The following LRMDA variants were observed in gnomAD, a reference collection of about 807,000 sequenced individuals.
LRMDA encodes the protein leucine rich melanocyte differentiation associated, also known as leucine-rich melanocyte differentiation-associated protein.
Under a neutral mutation model 29.8 loss-of-function variants are expected in LRMDA, and 18 were observed. That is an observed-to-expected ratio of 0.60 (90% CI 0.42 to 0.90). The LOEUF is 0.90. Among genes scored for constraint, LRMDA ranks in the 40% least tolerant of loss-of-function variants. The pLI is 0.00. For missense variants in LRMDA, 273 were observed against 273.9 expected, an observed-to-expected ratio of 1.00 and a Z score of 0.02; for synonymous variants, 125 against 109.4, an observed-to-expected ratio of 1.14 and a Z score of -0.89.
chr10:76,042,814 GTTTC>G (rs557974398), intron 3 of LRMDA, among the ~76,000 whole-genome samples: 8 of 152,054 alleles, frequency 5.3e-5, no homozygotes, highest in Non-Finnish European at 1.0e-4. Context: ...GTTTAGAAAT[GTTTC>G]TTTCAGTTTC....
intron 2 of LRMDA, among the ~76,000 whole-genome samples, chr10:75,917,560 G>A (rs780385058): frequency 4.6e-5 from 7 of 152,302 alleles, no homozygotes; most frequent in East Asian, 1.9e-4. Context: ...GGCTAAATCC[G>A]GAATCGGGAG....
intron 6 of LRMDA, among the ~76,000 whole-genome samples, chr10:76,503,294 A>C (rs1206294301): frequency 4.6e-5 from 7 of 151,594 alleles, no homozygotes; most frequent in African/African-American, 1.7e-4. Context: ...ACCAAGATCA[A>C]GTAGAATTTA....
chr10:76,157,676 G>C (rs1850563369), intron 5 of LRMDA, among the ~76,000 whole-genome samples: 1 of 151,768 alleles, frequency 6.6e-6, no homozygotes, highest in African/African-American at 2.4e-5. Context: ...TGGACAGCCT[G>C]AGCCTCCAAT....
chr10:76,509,361 C>T (rs781266848), intron 6 of LRMDA, among the ~76,000 whole-genome samples: 9 of 152,054 alleles, frequency 5.9e-5, no homozygotes, highest in Non-Finnish European at 1.3e-4. Context: ...GGAGAACAGG[C>T]GTGACTCTAC....
intron 5 of LRMDA, among the ~76,000 whole-genome samples, chr10:76,112,547 G>C (rs1849598177): frequency 6.6e-6 from 1 of 152,234 alleles, no homozygotes. Flanking sequence ...CCCCAAGCCC[G>C]TCAGGGGGAA....
rs112983389 is a variant in LRMDA, at chr10:75,658,045, A to G, written c.131+219551A>G. 8.3e-3 allele frequency among the ~76,000 whole-genome samples: 1,268 copies of G among 152,190 alleles called. 22 individuals are homozygous for G. Among genetic ancestry groups the G allele is most frequent in the African/African-American group, 0.028 (1,179 of 41,482 alleles). On this transcript the variant is annotated intron_variant, in intron 2 of 6. Coordinates refer to ENST00000611255, the MANE Select transcript of LRMDA (RefSeq NM_001305581.2). ...CCTTCTCTCTGGCTTCACAGTGTTT[A>G]GACTTTTTTGTACCTATCCCAAAAA...
intron 2 of LRMDA, among the ~76,000 whole-genome samples, chr10:75,787,471 T>G (rs1843491972): frequency 6.6e-6 from 1 of 152,190 alleles, no homozygotes; most frequent in Admixed American, 6.5e-5. Flanking sequence ...TTGGTTGGAT[T>G]CCAGTCTGTC....
chr10:76,196,927 A>ATG (rs1851340676), intron 5 of LRMDA, among the ~76,000 whole-genome samples: 1 of 152,066 alleles, frequency 6.6e-6, no homozygotes, highest in Non-Finnish European at 1.5e-5. Context: ...TTATGGTGCA[A>ATG]CCCTTTTCTC....
intron 2 of LRMDA, among the ~76,000 whole-genome samples, chr10:75,872,305 T>C (rs1404502033): frequency 1.3e-5 from 2 of 152,082 alleles, no homozygotes; most frequent in Non-Finnish European, 2.9e-5. Flanking sequence ...TCTCTCTTTT[T>C]TTTTTTAATT....
At chr10:76,325,557 C>T (rs556722862) in intron 6 of LRMDA, among the ~76,000 whole-genome samples, 13 of 152,260 alleles carry the variant, frequency 8.5e-5, no homozygotes, top group Non-Finnish European at 1.3e-4. Context: ...ACATCCCTTT[C>T]GAGACTGTTT....
intron 2 of LRMDA, among the ~76,000 whole-genome samples, chr10:75,853,730 G>A (rs763712450): frequency 3.3e-5 from 5 of 152,110 alleles, no homozygotes; most frequent in East Asian, 1.9e-4. Context: ...GAAACCAGCC[G>A]ACTCTGTGAT....
At chr10:76,014,125 ATT>A (rs1847837703) in intron 2 of LRMDA, among the ~76,000 whole-genome samples, 1 of 125,696 alleles carries the variant, frequency 8.0e-6, no homozygotes, top group Non-Finnish European at 1.6e-5. Context: ...TATATATATA[ATT>A]ATATATATAT....
intron 6 of LRMDA, among the ~76,000 whole-genome samples, chr10:76,475,761 A>G (rs556625655): frequency 6.6e-6 from 1 of 152,272 alleles, no homozygotes. Flanking sequence ...AAAACCGCTC[A>G]ACTACATGGA....
Position 75,759,897 on chromosome 10 carries a change from C to G in LRMDA, c.132-276111C>G, listed in dbSNP as rs535857276. ...GCCTTCAGAGCTAGAGTTGTAATTG[C>G]TTAATGCTTTTTTCTACAGGCTATT... On this transcript the variant is annotated intron_variant, in intron 2 of 6. Coordinates refer to ENST00000611255, the MANE Select transcript of LRMDA (RefSeq NM_001305581.2). 2.0e-5 allele frequency among the ~76,000 whole-genome samples: 3 copies of G among 152,202 alleles called. No individual in the cohort carries two copies. In the East Asian group the frequency reaches 5.8e-4, roughly 29 times the overall value.
chr10:75,753,810 G>C (rs1306524103), intron 2 of LRMDA, among the ~76,000 whole-genome samples: 1 of 152,038 alleles, frequency 6.6e-6, no homozygotes, highest in Non-Finnish European at 1.5e-5. Context: ...TGGGGTAAGG[G>C]GGTCCAGTTA....
intron 2 of LRMDA, among the ~76,000 whole-genome samples, chr10:75,546,882 A>G (rs1037807273): frequency 6.6e-6 from 1 of 152,172 alleles, no homozygotes; most frequent in Non-Finnish European, 1.5e-5. Flanking sequence ...GTATTATTTC[A>G]CTGAATCCTC....
intron 4 of LRMDA, among the ~76,000 whole-genome samples, chr10:76,049,404 A>G (rs1848493970): frequency 6.6e-6 from 1 of 152,260 alleles, no homozygotes; most frequent in South Asian, 2.1e-4. Flanking sequence ...ATCAGGGACT[A>G]GGAACAGCAC....
At position 75,897,894 on chromosome 10, in the gene LRMDA, C is replaced by G. The variant is rs1188980100; in HGVS notation, c.132-138114C>G. ...CTGTAGTGCAGTGGCACAATCTCGG[C>G]TCACTGCAACCTCCACCTCCCAGGT... On this transcript the variant is annotated intron_variant, in intron 2 of 6. Coordinates refer to ENST00000611255, the MANE Select transcript of LRMDA (RefSeq NM_001305581.2). Among the ~76,000 whole-genome samples the G allele has an allele frequency of 3.6e-5, 5 of 139,664 alleles. No individual in the cohort carries two copies. In the Admixed American group the frequency reaches 3.9e-4, roughly 11 times the overall value. The allele number at this position is 139,664 out of a possible 152,430, so 91.6% of individuals were successfully genotyped here.
At chr10:75,737,519 G>C (rs1310140822) in intron 2 of LRMDA, among the ~76,000 whole-genome samples, 2 of 152,158 alleles carry the variant, frequency 1.3e-5, no homozygotes, top group Non-Finnish European at 2.9e-5. Context: ...GTTGAGCAAG[G>C]CCTTTGTTGT....
Sources: allele counts gnomAD v4.1 joint callset (sites outside exome capture counted in the v4.1 genomes callset), GRCh38; gene constraint gnomAD v4.1.1; transcripts MANE v1.5; gene names NCBI Gene and HGNC (gene_info 2026-07-23, HGNC 2026-07-21).